RHOBTB2: variants seen among roughly 807,000 people sequenced by gnomAD.
The protein encoded by RHOBTB2 is rho-related BTB domain-containing protein 2.
In RHOBTB2, 39 loss-of-function variants were observed where a neutral mutation model predicts 66.5. The ratio of observed to expected loss-of-function variants is 0.59; its 90% CI spans 0.45 to 0.77. The LOEUF is 0.77. RHOBTB2 is among the 30% of genes least tolerant of loss of function. The pLI is 0.00. For synonymous variants in RHOBTB2, 390 were observed against 395.0 expected, an observed-to-expected ratio of 0.99 and a Z score of 0.15; for missense variants, 755 against 999.1, an observed-to-expected ratio of 0.76 and a Z score of 3.29.
At chr8:23,003,998 G>GA in intron 1 of RHOBTB2, 1 of 271,430 alleles carries the variant, frequency 3.7e-6, no homozygotes, top group South Asian at 4.0e-5. Context: ...AAGGGGTGGG[G>GA]ACGTGGCCGA....
chr8:22,972,888 C>A, the RHOBTB2 span, among the ~76,000 whole-genome samples: 5 of 152,312 alleles, frequency 3.3e-5, no homozygotes, highest in East Asian at 9.7e-4. Context: ...CGGCTTCATC[C>A]CTCCTCCTGC....
intron 7 of RHOBTB2, among the ~76,000 whole-genome samples, chr8:23,012,486 T>C (rs998968682): frequency 6.6e-6 from 1 of 152,268 alleles, no homozygotes; most frequent in Non-Finnish European, 1.5e-5. Flanking sequence ...TTTTATATAA[T>C]TGGCGATGGT....
At chr8:23,010,444 G>A (rs933155384) in intron 6 of RHOBTB2, 94 bp from the exon 7 acceptor site, 4 of 1,424,460 alleles carry the variant, frequency 2.8e-6, no homozygotes, top group Non-Finnish European at 3.8e-6. Context: ...GGGAGCCTGG[G>A]TGTGAGGGCC....
chr8:22,973,049 G>A, the RHOBTB2 span, among the ~76,000 whole-genome samples: 10 of 151,864 alleles, frequency 6.6e-5, no homozygotes, highest in Admixed American at 6.6e-4. Context: ...CCTGGCTGGT[G>A]CTTCTCAACC....
chr8:23,013,644 T>G lies in RHOBTB2; in HGVS notation c.1772-1046T>G, dbSNP rs557511395. ...CCGAGTAGCTGGGATTACAGGCACG[T>G]ACCAACACACCCGGCTAATTTTTGT... is the stretch of plus-strand genomic sequence containing the variant. On this transcript the variant is annotated intron_variant, in intron 7 of 9. Coordinates refer to ENST00000251822, the MANE Select transcript of RHOBTB2 (RefSeq NM_015178.3). Among the ~76,000 whole-genome samples, 9 of 150,632 alleles carry G rather than the reference T, an allele frequency of 6.0e-5. No individual in the cohort carries two copies. In the South Asian group the frequency reaches 1.9e-3, roughly 31 times the overall value.
upstream of RHOBTB2, among the ~76,000 whole-genome samples, chr8:22,986,774 C>G (rs1398089251): frequency 2.6e-5 from 4 of 152,138 alleles, no homozygotes. Context: ...AACTAAGGTC[C>G]AGAAATCCAC....
the RHOBTB2 span, among the ~76,000 whole-genome samples, chr8:22,976,999 C>T: frequency 6.6e-6 from 1 of 152,040 alleles, no homozygotes; most frequent in Non-Finnish European, 1.5e-5. Flanking sequence ...TTATGCCTGC[C>T]ATCCCAGCTA....
chr8:22,985,736 G>C (rs1810275522), upstream of RHOBTB2, among the ~76,000 whole-genome samples: 1 of 152,220 alleles, frequency 6.6e-6, no homozygotes, highest in East Asian at 1.9e-4. Flanking sequence ...AGAAGGCAGA[G>C]GATTGACCAG....
chr8:22,956,221 A>G, the RHOBTB2 span, among the ~76,000 whole-genome samples: 1 of 152,206 alleles, frequency 6.6e-6, no homozygotes. Context: ...CACAGAATTT[A>G]TTCAGTGCTC....
intron 7 of RHOBTB2, among the ~76,000 whole-genome samples, chr8:23,012,993 T>G (rs1057169564): frequency 8.6e-5 from 13 of 150,458 alleles, no homozygotes; most frequent in Non-Finnish European, 1.9e-4. Context: ...GAGATGGGGT[T>G]TTGCCATGTT....
At chr8:22,995,500 A>T (rs112126414), upstream of RHOBTB2, among the ~76,000 whole-genome samples, 644 of 152,346 alleles carry the variant, frequency 4.2e-3, 6 homozygotes, top group African/African-American at 0.014. Flanking sequence ...CTAGGCTGAG[A>T]CTTGAAAGAT....
the RHOBTB2 span, among the ~76,000 whole-genome samples, chr8:22,959,632 A>G: frequency 2.0e-5 from 3 of 152,118 alleles, no homozygotes; most frequent in Non-Finnish European, 2.9e-5. Context: ...TCAGTCTGGT[A>G]TCTGCTTCCT....
At chr8:22,970,603 T>C in the RHOBTB2 span, among the ~76,000 whole-genome samples, 1 of 143,838 alleles carries the variant, frequency 7.0e-6, no homozygotes, top group Admixed American at 6.9e-5. Flanking sequence ...ACTCTGTCCC[T>C]AAAAAAAAAA....
At chr8:23,007,938 G>T in intron 5 of RHOBTB2, 55 bp from the exon 6 acceptor site, 1 of 1,562,688 alleles carries the variant, frequency 6.4e-7, no homozygotes, top group Non-Finnish European at 8.8e-7. Flanking sequence ...CTCCCCTTGG[G>T]GCTTGTTCTC....
chr8:22,953,673 T>TACATTTA, the RHOBTB2 span, among the ~76,000 whole-genome samples: 132 of 152,314 alleles, frequency 8.7e-4, no homozygotes, highest in African/African-American at 3.0e-3. Flanking sequence ...TAGCACTGAG[T>TACATTTA]GCTGTACATC....
At chr8:22,997,088 CTG>C (rs1344137537), upstream of RHOBTB2, among the ~76,000 whole-genome samples, 1 of 152,106 alleles carries the variant, frequency 6.6e-6, no homozygotes, top group Admixed American at 6.5e-5. Context: ...GCCATCTGAG[CTG>C]TGAGTAGTGA....
At position 23,004,396 on chromosome 8, in the gene RHOBTB2, G is replaced by A. The variant is rs141583378; in HGVS notation, c.-10-29G>A. ...CCACGGCGAGCTGGCATGCCATGCC[G>A]TCCTGACCGCCTCCCTCCTCTCCCT... On this transcript the variant is annotated intron_variant, in intron 1 of 9. Transcript: ENST00000251822. This position sits in a 1 kb window ranked among gnomAD's most constrained non-coding sequence, Gnocchi z 6.4. 1.1e-3 allele frequency: 1,774 copies of A among 1,602,762 alleles called. No individual in the cohort carries two copies. The highest frequency in any genetic ancestry group is 2.3e-3 in the African/African-American group (173 of 74,824).
intron 1 of RHOBTB2, among the ~76,000 whole-genome samples, chr8:23,003,187 G>A (rs951894690): frequency 4.6e-5 from 7 of 152,330 alleles, no homozygotes; most frequent in South Asian, 4.1e-4. Flanking sequence ...GAAACCAAGC[G>A]TCCTAATCAC....
At chr8:22,955,852 G>A in the RHOBTB2 span, among the ~76,000 whole-genome samples, 1 of 152,144 alleles carries the variant, frequency 6.6e-6, no homozygotes, top group Admixed American at 6.5e-5. Context: ...TTACAGGCAT[G>A]AGCCACTGTA....
Sources: allele counts gnomAD v4.1 joint callset (sites outside exome capture counted in the v4.1 genomes callset), GRCh38; gene constraint gnomAD v4.1.1; non-coding constraint Gnocchi (gnomAD v3.1); transcripts MANE v1.5; gene names NCBI Gene and HGNC (gene_info 2026-07-23, HGNC 2026-07-21).